MALRD1: variants seen among roughly 807,000 people sequenced by gnomAD.
MALRD1 encodes the protein MAM and LDL-receptor class A domain-containing protein 1.
Under a neutral mutation model 242.1 loss-of-function variants are expected in MALRD1, and 247 were observed. The ratio of observed to expected loss-of-function variants is 1.02; its 90% CI spans 0.92 to 1.13. MALRD1 has a LOEUF of 1.13. MALRD1 is among the 50% of genes most tolerant of loss of function. The pLI is 0.00. For missense variants in MALRD1, 2,989 were observed against 2,533.1 expected (o/e 1.18, Z -3.86); for synonymous variants, 995 against 866.6 (o/e 1.15, Z -2.60).
chr10:19,391,955 A>G (rs762645685), intron 28 of MALRD1, among the ~76,000 whole-genome samples: 1 of 152,150 alleles, frequency 6.6e-6, no homozygotes, highest in Non-Finnish European at 1.5e-5. Flanking sequence ...TTGCGAAGGG[A>G]TGGCCATTGT....
At chr10:19,551,512 G>T (rs181983444) in intron 32 of MALRD1, among the ~76,000 whole-genome samples, 167 of 152,226 alleles carry the variant, frequency 1.1e-3, no homozygotes, top group African/African-American at 3.9e-3. Flanking sequence ...CACTGAGACA[G>T]TGGGGTTTTC....
At chr10:19,102,258 T>C (rs957754852) in intron 4 of MALRD1, among the ~76,000 whole-genome samples, 1 of 151,866 alleles carries the variant, frequency 6.6e-6, no homozygotes, top group Non-Finnish European at 1.5e-5. Flanking sequence ...TTTTAATCAC[T>C]GTGTTATACT....
chr10:19,426,321 T>C (rs1439803707), intron 28 of MALRD1, among the ~76,000 whole-genome samples: 2 of 152,138 alleles, frequency 1.3e-5, no homozygotes, highest in Non-Finnish European at 1.5e-5. Context: ...AAAGTAAATA[T>C]AGATGAATGG....
intron 18 of MALRD1, among the ~76,000 whole-genome samples, chr10:19,255,624 G>A (rs186111000): frequency 7.2e-5 from 11 of 152,080 alleles, no homozygotes; most frequent in African/African-American, 2.2e-4. Context: ...GACAATTTTA[G>A]TTTCTCAAAT....
intron 20 of MALRD1, 34 bp downstream of exon 20, chr10:19,280,257 C>T (rs1840743137): frequency 7.1e-7 from 1 of 1,409,112 alleles, no homozygotes; most frequent in East Asian, 2.6e-5. Flanking sequence ...TTAAATACTG[C>T]TACAAAATAG....
intron 2 of MALRD1, among the ~76,000 whole-genome samples, chr10:19,082,360 C>G (rs1371936336): frequency 6.6e-6 from 1 of 151,312 alleles, no homozygotes; most frequent in Non-Finnish European, 1.5e-5. Flanking sequence ...CATATTGTGC[C>G]CATAGCCTAA....
In MALRD1 at chr10:19,408,269, C is replaced by T. The variant is rs768794060; in HGVS notation, c.4845+18660C>T. ...TAAGGAATAGGAATTGGTCAGCAGG[C>T]GACAGGTGCATCTGTAGGTGAAACT... On this transcript the variant is annotated intron_variant, in intron 28 of 39. Transcript: ENST00000454679. Among the ~76,000 whole-genome samples, 62 of 152,088 alleles carry T rather than the reference C, an allele frequency of 4.1e-4. 1 individual carries two copies. Among genetic ancestry groups the T allele is most frequent in the East Asian group, 5.8e-4 (3 of 5,162 alleles).
At chr10:19,104,556 A>T (rs1836395526) in intron 5 of MALRD1, among the ~76,000 whole-genome samples, 1 of 152,096 alleles carries the variant, frequency 6.6e-6, no homozygotes, top group East Asian at 1.9e-4. Context: ...CTTTGATTAT[A>T]TTAACTAATA....
chr10:19,048,118 T>A (rs1046630124), upstream of MALRD1, among the ~76,000 whole-genome samples: 4 of 152,174 alleles, frequency 2.6e-5, no homozygotes, highest in African/African-American at 9.7e-5. Context: ...TAAAAGTAAA[T>A]CGTGATGAAT....
chr10:19,512,094 C>T (rs1008251971), intron 31 of MALRD1, among the ~76,000 whole-genome samples: 1 of 152,076 alleles, frequency 6.6e-6, no homozygotes, highest in African/African-American at 2.4e-5. Flanking sequence ...AGCTTGGTAT[C>T]ATTCTCTCCA....
chr10:19,582,134 A>T (rs894542683), intron 33 of MALRD1, among the ~76,000 whole-genome samples: 2 of 151,938 alleles, frequency 1.3e-5, no homozygotes, highest in African/African-American at 4.8e-5. Flanking sequence ...CCTTTGTCAG[A>T]TGAGTAGGTT....
intron 4 of MALRD1, among the ~76,000 whole-genome samples, chr10:19,101,168 A>G (rs985258886): frequency 4.6e-5 from 7 of 150,966 alleles, no homozygotes; most frequent in African/African-American, 1.7e-4. Flanking sequence ...AGGTACAGAG[A>G]TGTTAAATAA....
rs71387043 is a variant in MALRD1, at chr10:19,121,043, C to CTTTTT, written c.695-2435_695-2431dup. ...ACAGGCGTGAGCCACTGTGCCCGGC[C>CTTTTT]TTTTTTTTTTTTTTTTTTGAGTTGG... On this transcript the variant is annotated intron_variant, in intron 5 of 39. Transcript: ENST00000454679. Among the ~76,000 whole-genome samples the CTTTTT allele has an allele frequency of 7.5e-5, 8 of 106,600 alleles. 1 individual carries two copies. The highest frequency in any genetic ancestry group is 6.4e-4 in the South Asian group (2 of 3,108). 69.9% of individuals were successfully genotyped at this position (106,600 alleles called of 152,430 possible).
At chr10:19,412,701 G>T (rs1203226416) in intron 28 of MALRD1, among the ~76,000 whole-genome samples, 1 of 152,138 alleles carries the variant, frequency 6.6e-6, no homozygotes, top group South Asian at 2.1e-4. Context: ...ACAAACCAAT[G>T]TAAGAGATAA....
intron 19 of MALRD1, among the ~76,000 whole-genome samples, chr10:19,277,858 ATT>A (rs570489757): frequency 6.6e-5 from 10 of 152,220 alleles, no homozygotes; most frequent in African/African-American, 2.4e-4. Flanking sequence ...TATTGCTCAG[ATT>A]TTTGCTCTTT....
intron 36 of MALRD1, among the ~76,000 whole-genome samples, chr10:19,676,833 C>T (rs1426913755): frequency 6.6e-6 from 1 of 152,166 alleles, no homozygotes; most frequent in Non-Finnish European, 1.5e-5. Flanking sequence ...TCTCCCCTGA[C>T]AGGACCCAGT....
chr10:19,452,478 A>G (rs1389925004), intron 29 of MALRD1, among the ~76,000 whole-genome samples: 2 of 152,208 alleles, frequency 1.3e-5, no homozygotes, highest in African/African-American at 4.8e-5. Flanking sequence ...GTTGTCAATT[A>G]TAGTTGAATA....
At chr10:19,252,645 T>A (rs897711169) in intron 18 of MALRD1, among the ~76,000 whole-genome samples, 1 of 152,088 alleles carries the variant, frequency 6.6e-6, no homozygotes, top group East Asian at 1.9e-4. Context: ...TTGTCTCTAC[T>A]ATTACCACAA....
chr10:19,472,041 CTTT>C (rs1437000178), intron 29 of MALRD1, among the ~76,000 whole-genome samples: 1 of 151,842 alleles, frequency 6.6e-6, no homozygotes, highest in Non-Finnish European at 1.5e-5. Context: ...CACCATTGAG[CTTT>C]CACATATGGC....
Sources: allele counts gnomAD v4.1 joint callset (sites outside exome capture counted in the v4.1 genomes callset), GRCh38; gene constraint gnomAD v4.1.1; transcripts MANE v1.5; gene names NCBI Gene and HGNC (gene_info 2026-07-23, HGNC 2026-07-21).